The following WWC1 variants were observed in gnomAD, a reference collection of about 807,000 sequenced individuals.
WWC1 encodes WW and C2 domain containing 1, also known as protein KIBRA.
Under a neutral mutation model 138.4 loss-of-function variants are expected in WWC1, and 55 were observed. That is an observed-to-expected ratio of 0.40 (90% CI 0.32 to 0.50). The LOEUF is 0.50. Among genes scored for constraint, WWC1 ranks in the 20% least tolerant of loss-of-function variants. WWC1 has a pLI of 0.72. For missense variants in WWC1, 1,226 were observed against 1,420.4 expected (o/e 0.86, Z 2.20); for synonymous variants, 524 against 564.9 (o/e 0.93, Z 1.03).
At chr5:168,365,913 CG>C (rs1184373129) in intron 1 of WWC1, among the ~76,000 whole-genome samples, 1 of 152,168 alleles carries the variant, frequency 6.6e-6, no homozygotes, top group African/African-American at 2.4e-5. Flanking sequence ...TTCGGCAGCC[CG>C]AGTTGTGGAG....
At chr5:168,354,048 T>C (rs906383239) in intron 1 of WWC1, among the ~76,000 whole-genome samples, 1 of 152,106 alleles carries the variant, frequency 6.6e-6, no homozygotes, top group Non-Finnish European at 1.5e-5. Context: ...GCTTTTTCTT[T>C]TTTTCTTTCT....
At chr5:168,323,996 G>A (rs1322423154) in intron 1 of WWC1, among the ~76,000 whole-genome samples, 1 of 152,206 alleles carries the variant, frequency 6.6e-6, no homozygotes, top group Admixed American at 6.5e-5. Flanking sequence ...CTAAGGTGCT[G>A]AAAGGGAAAA....
intron 5 of WWC1, among the ~76,000 whole-genome samples, chr5:168,403,005 T>TC (rs879503392): frequency 0.059 from 7,158 of 120,940 alleles, 421 homozygotes; most frequent in East Asian, 0.18. Context: ...CTGTTGTTTC[T>TC]TTTTCTTTCT....
At chr5:168,359,365 G>T (rs1467742816) in intron 1 of WWC1, among the ~76,000 whole-genome samples, 1 of 152,118 alleles carries the variant, frequency 6.6e-6, no homozygotes, top group Non-Finnish European at 1.5e-5. Context: ...ATACACTATA[G>T]AGTTTTTTAC....
chr5:168,321,190 A>AAT (rs1202145650), intron 1 of WWC1, among the ~76,000 whole-genome samples: 1 of 152,160 alleles, frequency 6.6e-6, no homozygotes, highest in Admixed American at 6.5e-5. Flanking sequence ...CACCGGGATT[A>AAT]ATTCCATGAG....
intron 11 of WWC1, among the ~76,000 whole-genome samples, chr5:168,424,815 C>G (rs1229391189): frequency 6.6e-6 from 1 of 152,040 alleles, no homozygotes; most frequent in Non-Finnish European, 1.5e-5. Flanking sequence ...CCCATGTGAC[C>G]GTTTGAAGCC....
At chr5:168,441,546 G>T (rs757769642) in intron 15 of WWC1, 136 bp from the exon 16 acceptor site, 1 of 710,458 alleles carries the variant, frequency 1.4e-6, no homozygotes, top group Non-Finnish European at 2.2e-6. Flanking sequence ...TAACAACTTG[G>T]CCTCTCTTCC....
chr5:168,294,135 T>C (rs920057192), intron 1 of WWC1, among the ~76,000 whole-genome samples: 5 of 152,142 alleles, frequency 3.3e-5, no homozygotes, highest in Admixed American at 6.5e-5. Context: ...TCTGGGGACT[T>C]CTAATACAGC....
intron 17 of WWC1, among the ~76,000 whole-genome samples, chr5:168,448,616 A>ATTTTTTTTTT (rs756135846): frequency 7.7e-5 from 9 of 117,602 alleles, no homozygotes; most frequent in African/African-American, 2.8e-4. Flanking sequence ...CTCAAATAAG[A>ATTTTTTTTTT]TTTTTTTTTT....
chr5:168,464,295 A>T (rs1255413535), intron 20 of WWC1, among the ~76,000 whole-genome samples: 1 of 152,222 alleles, frequency 6.6e-6, no homozygotes, highest in East Asian at 1.9e-4. Flanking sequence ...GTACAGTGAC[A>T]GGAATCAATA....
intron 4 of WWC1, among the ~76,000 whole-genome samples, chr5:168,398,816 A>G (rs1284003967): frequency 6.6e-6 from 1 of 152,166 alleles, no homozygotes; most frequent in East Asian, 1.9e-4. Flanking sequence ...AGGTAATTGC[A>G]TTTGAACTCT....
intron 15 of WWC1, among the ~76,000 whole-genome samples, chr5:168,436,580 A>C (rs781111855): frequency 1.3e-5 from 2 of 152,018 alleles, no homozygotes; most frequent in Non-Finnish European, 1.5e-5. Context: ...GTAAAATAGG[A>C]CCTCAAACGA....
chr5:168,334,228 C>T (rs1056623744), intron 1 of WWC1, among the ~76,000 whole-genome samples: 4 of 119,988 alleles, frequency 3.3e-5, no homozygotes, highest in Non-Finnish European at 6.1e-5. Flanking sequence ...TGTCTCAAAA[C>T]AACAACAACA....
intron 2 of WWC1, among the ~76,000 whole-genome samples, chr5:168,379,097 T>C (rs998217428): frequency 6.6e-6 from 1 of 152,162 alleles, no homozygotes; most frequent in African/African-American, 2.4e-5. Context: ...CAATGATGCC[T>C]GCACTAGAGC....
At chr5:168,389,602 T>TC (rs1312772494) in intron 3 of WWC1, among the ~76,000 whole-genome samples, 5 of 44,262 alleles carry the variant, frequency 1.1e-4, no homozygotes, top group Non-Finnish European at 2.2e-4. Flanking sequence ...TTTTTGTTTT[T>TC]TTTTTTTTTT....
chr5:168,411,796 T>G, intron 8 of WWC1: 1 of 187,574 alleles, frequency 5.3e-6, no homozygotes, highest in Non-Finnish European at 1.0e-5. Flanking sequence ...TACAGGACAG[T>G]TGGGGGTGGG....
chr5:168,438,076 T>A (rs192578097), intron 15 of WWC1, among the ~76,000 whole-genome samples: 3 of 152,264 alleles, frequency 2.0e-5, no homozygotes, highest in East Asian at 1.9e-4. Flanking sequence ...GGCTGGTAGG[T>A]AGGAGTGATT....
intron 1 of WWC1, among the ~76,000 whole-genome samples, chr5:168,298,490 A>G (rs1581847165): frequency 1.3e-5 from 2 of 152,192 alleles, no homozygotes; most frequent in East Asian, 1.9e-4. Flanking sequence ...AGGGCTTTTT[A>G]TCTTTTTCTG....
chr5:168,400,145 A>G (rs910181431), intron 5 of WWC1, among the ~76,000 whole-genome samples: 4 of 148,622 alleles, frequency 2.7e-5, no homozygotes, highest in East Asian at 2.0e-4. Flanking sequence ...GTGGCCAGGT[A>G]AAATACAGCT....
Sources: allele counts gnomAD v4.1 joint callset (sites outside exome capture counted in the v4.1 genomes callset), GRCh38; gene constraint gnomAD v4.1.1; transcripts MANE v1.5; gene names NCBI Gene and HGNC (gene_info 2026-07-23, HGNC 2026-07-21).